MCTP1: variants seen among roughly 807,000 people sequenced by gnomAD.
MCTP1 encodes the protein multiple C2 and transmembrane domain-containing protein 1.
In MCTP1, 69 loss-of-function variants were observed where a neutral mutation model predicts 120.6. The observed-to-expected ratio is 0.57, with a 90% confidence interval of 0.47 to 0.70. The LOEUF (loss-of-function observed/expected upper bound fraction) is 0.70. Among genes scored for constraint, MCTP1 ranks in the 30% least tolerant of loss-of-function variants. MCTP1 has a pLI of 0.00. For missense variants in MCTP1, 1,203 were observed against 1,248.8 expected (o/e 0.96, Z 0.55); for synonymous variants, 529 against 493.1 (o/e 1.07, Z -0.96).
intron 1 of MCTP1, among the ~76,000 whole-genome samples, chr5:95,034,893 A>G (rs1470964961): frequency 6.6e-6 from 1 of 152,068 alleles, no homozygotes; most frequent in African/African-American, 2.4e-5. Flanking sequence ...AAATAACTCC[A>G]TTAAAAAGTG....
At chr5:95,030,239 C>G (rs1338867259) in intron 1 of MCTP1, among the ~76,000 whole-genome samples, 1 of 152,218 alleles carries the variant, frequency 6.6e-6, no homozygotes. Context: ...TGCTCCACCA[C>G]TTTCCCCCAA....
At chr5:94,992,595 G>A (rs921285129) in intron 2 of MCTP1, among the ~76,000 whole-genome samples, 2 of 152,152 alleles carry the variant, frequency 1.3e-5, no homozygotes, top group Non-Finnish European at 2.9e-5. Flanking sequence ...ACAGGAGTGC[G>A]TTTGGCCCAT....
chr5:94,845,374 G>C (rs926340971), intron 17 of MCTP1, among the ~76,000 whole-genome samples: 3 of 152,106 alleles, frequency 2.0e-5, no homozygotes, highest in African/African-American at 7.2e-5. Flanking sequence ...ACTATCACGA[G>C]GACACCATGG....
At chr5:94,913,803 C>T (rs1809404554) in intron 8 of MCTP1, among the ~76,000 whole-genome samples, 1 of 151,972 alleles carries the variant, frequency 6.6e-6, no homozygotes, top group South Asian at 2.1e-4. Flanking sequence ...CTCCTGGGCT[C>T]AAGTGATCCT....
chr5:94,832,318 T>C (rs2153164997), intron 17 of MCTP1, among the ~76,000 whole-genome samples: 1 of 152,318 alleles, frequency 6.6e-6, no homozygotes, highest in South Asian at 2.1e-4. Context: ...AGAAAAGTTA[T>C]CCAGTTTTAC....
intron 1 of MCTP1, among the ~76,000 whole-genome samples, chr5:95,242,613 C>G (rs74817709): frequency 4.8e-4 from 73 of 152,238 alleles, no homozygotes; most frequent in African/African-American, 1.6e-3. Context: ...AATTATTACA[C>G]TGAGTGATAA....
At chr5:94,996,785 T>G (rs544453398) in intron 2 of MCTP1, among the ~76,000 whole-genome samples, 2 of 152,312 alleles carry the variant, frequency 1.3e-5, no homozygotes, top group East Asian at 3.9e-4. Flanking sequence ...TAACAGTAGT[T>G]GTATTGCTTT....
At chr5:95,274,046 T>C (rs556219020) in intron 1 of MCTP1, among the ~76,000 whole-genome samples, 10 of 152,136 alleles carry the variant, frequency 6.6e-5, no homozygotes, top group Non-Finnish European at 1.2e-4. Flanking sequence ...AAGGCTCAGG[T>C]TGACCCAGTC....
chr5:94,736,498 TG>T (rs1026604968), intron 19 of MCTP1, among the ~76,000 whole-genome samples: 4 of 152,022 alleles, frequency 2.6e-5, no homozygotes, highest in African/African-American at 4.8e-5. Context: ...AAAATTTTTT[TG>T]GGGGGGATCC....
chr5:95,098,400 T>C (rs976378487), intron 1 of MCTP1, among the ~76,000 whole-genome samples: 1 of 152,236 alleles, frequency 6.6e-6, no homozygotes, highest in Admixed American at 6.5e-5. Flanking sequence ...TTTTCTGATA[T>C]ACATAAAGTA....
intron 19 of MCTP1, among the ~76,000 whole-genome samples, chr5:94,733,644 C>A (rs1451811642): frequency 6.6e-6 from 1 of 151,364 alleles, no homozygotes; most frequent in Non-Finnish European, 1.5e-5. Context: ...TTGGAAAAAA[C>A]AAAAATCACA....
At chr5:95,001,121 C>T (rs551084932) in intron 2 of MCTP1, among the ~76,000 whole-genome samples, 2 of 152,342 alleles carry the variant, frequency 1.3e-5, no homozygotes, top group Admixed American at 1.3e-4. Flanking sequence ...TCTCTCCTGC[C>T]ACCCTGCAAA....
At chr5:94,915,662 C>T (rs1230688756) in intron 8 of MCTP1, among the ~76,000 whole-genome samples, 1 of 151,952 alleles carries the variant, frequency 6.6e-6, no homozygotes, top group African/African-American at 2.4e-5. Context: ...ATTTTGTTTT[C>T]TGGTTTTTTT....
At chr5:94,744,142 ATTGTTTGTTTGT>A (rs200277190) in intron 19 of MCTP1, among the ~76,000 whole-genome samples, 48 of 151,398 alleles carry the variant, frequency 3.2e-4, no homozygotes, top group Non-Finnish European at 4.3e-4. Flanking sequence ...AGCTAATGTT[ATTGTTTGTTTGT>A]TTGTTTGTTT....
chr5:95,284,114 G>C lies in MCTP1; in HGVS notation c.462C>G (p.Asp154Glu). 2 of 1,551,034 alleles carry C rather than the reference G, an allele frequency of 1.3e-6. No homozygotes were observed. The highest frequency in any genetic ancestry group is 1.2e-5 in the South Asian group (1 of 84,710). The change falls in exon 1 of 23, where the codon GAC becomes GAG. Residue 154 changes from aspartate to glutamate, a missense_variant. This residue lies in a region of MCTP1 where 463 missense variants were observed against 377.8 expected (regional missense o/e 1.23). Coordinates refer to ENST00000515393, the MANE Select transcript of MCTP1 (RefSeq NM_024717.7). The surrounding 1 kb of genome is among the most constrained non-coding windows in gnomAD (Gnocchi z 5.2). The part of the protein sequence containing the change: ...GGTPPGGRSP[D>E]SAPSSSSASS... Reference sequence around the variant, plus strand: ...AGGCGGAGGAAGAGGAAGGAGCTGAGTCGGGGGAGCGTCCGCCAGGAGGCG... The same window carrying C: ...AGGCGGAGGAAGAGGAAGGAGCTGACTCGGGGGAGCGTCCGCCAGGAGGCG...
chr5:95,163,337 T>C (rs550250642), intron 1 of MCTP1, among the ~76,000 whole-genome samples: 1 of 152,296 alleles, frequency 6.6e-6, no homozygotes, highest in African/African-American at 2.4e-5. Flanking sequence ...GCTTTTTAAA[T>C]GTTCTGTATA....
intron 1 of MCTP1, among the ~76,000 whole-genome samples, chr5:95,196,691 G>A (rs1750433364): frequency 6.6e-6 from 1 of 152,200 alleles, no homozygotes. Context: ...GGCCTTAACA[G>A]GAGCAGTTTG....
intron 17 of MCTP1, among the ~76,000 whole-genome samples, chr5:94,851,803 T>C (rs1399984996): frequency 6.6e-6 from 1 of 151,982 alleles, no homozygotes; most frequent in East Asian, 1.9e-4. Flanking sequence ...TCAACTGAAG[T>C]ATGAATTTGA....
At chr5:94,728,511 C>T (rs1023029143) in intron 19 of MCTP1, among the ~76,000 whole-genome samples, 10 of 152,078 alleles carry the variant, frequency 6.6e-5, no homozygotes, top group Non-Finnish European at 1.5e-4. Flanking sequence ...CTAATCAAGC[C>T]GAGGGATGTT....
Sources: gnomAD v4.1 joint callset for allele counts (sites outside exome capture counted in the v4.1 genomes callset) on GRCh38, gnomAD v4.1.1 for gene constraint, gnomAD v4.1.1 regional missense constraint, Gnocchi (gnomAD v3.1) non-coding constraint, MANE v1.5 for transcripts, NCBI Gene and HGNC (gene_info 2026-07-23, HGNC 2026-07-21) for gene names.